The following PXDNL variants were observed in gnomAD, a reference collection of about 807,000 sequenced individuals.
PXDNL encodes peroxidasin like.
In PXDNL, 145 loss-of-function variants were observed where a neutral mutation model predicts 150.8. The ratio of observed to expected loss-of-function variants is 0.96; its 90% CI spans 0.84 to 1.10. The LOEUF is 1.10. Among genes scored for constraint, PXDNL ranks in the 50% least tolerant of loss-of-function variants. The pLI is 0.00. For missense variants in PXDNL, 2,087 were observed against 1,873.9 expected, an observed-to-expected ratio of 1.11 and a Z score of -2.10; for synonymous variants, 757 against 725.7, an observed-to-expected ratio of 1.04 and a Z score of -0.69.
At chr8:51,535,704 G>T (rs1229197145) in intron 4 of PXDNL, among the ~76,000 whole-genome samples, 1 of 136,196 alleles carries the variant, frequency 7.3e-6, no homozygotes, top group African/African-American at 3.3e-5. Flanking sequence ...AAACACCCAA[G>T]AATGATCAAT....
At chr8:51,680,999 G>A (rs553968438) in intron 1 of PXDNL, among the ~76,000 whole-genome samples, 8,585 of 145,366 alleles carry the variant, frequency 0.059, 353 homozygotes, top group African/African-American at 0.12. Flanking sequence ...TGTGGTTTTC[G>A]TCCAGACACA....
chr8:51,558,679 T>C (rs7834501), intron 3 of PXDNL, among the ~76,000 whole-genome samples: 10,024 of 152,138 alleles, frequency 0.066, 464 homozygotes, highest in African/African-American at 0.11. Flanking sequence ...GACTGTTATA[T>C]TGTAGAAAAT....
chr8:51,670,093 C>T (rs538448094), intron 1 of PXDNL, among the ~76,000 whole-genome samples: 1 of 152,176 alleles, frequency 6.6e-6, no homozygotes, highest in Non-Finnish European at 1.5e-5. Flanking sequence ...AAAAATATAG[C>T]CGGTTGTGGT....
chr8:51,326,469 G>A (rs553622161), intron 21 of PXDNL, among the ~76,000 whole-genome samples: 3 of 152,310 alleles, frequency 2.0e-5, no homozygotes, highest in South Asian at 2.1e-4. Context: ...CTGCATTCTA[G>A]CCTGGGTGAG....
intron 2 of PXDNL, among the ~76,000 whole-genome samples, chr8:51,602,924 A>G (rs1813757148): frequency 6.6e-6 from 1 of 151,296 alleles, no homozygotes; most frequent in African/African-American, 2.4e-5. Context: ...GGCTTTCCTG[A>G]ATCTAAGATT....
chr8:51,433,208 C>CT (rs1809299452), intron 12 of PXDNL, among the ~76,000 whole-genome samples: 10 of 111,144 alleles, frequency 9.0e-5, no homozygotes, highest in African/African-American at 1.9e-4. Context: ...GACTCTATCT[C>CT]AAATAATAAT....
intron 1 of PXDNL, among the ~76,000 whole-genome samples, chr8:51,659,990 A>C (rs1029158185): frequency 2.6e-5 from 4 of 151,788 alleles, no homozygotes; most frequent in Admixed American, 6.6e-5. Context: ...TCCGAGTTCA[A>C]GCGATTCTCC....
In PXDNL at chr8:51,768,207, T is replaced by A. The variant is rs533669809; in HGVS notation, c.164+40974A>T. Among the ~76,000 whole-genome samples, 3 of 152,312 alleles carry A rather than the reference T, an allele frequency of 2.0e-5. No individual in the cohort carries two copies. In the South Asian group the frequency reaches 6.2e-4, roughly 32 times the overall value. ...CCTTCAACTGTTGAAAACCTTTAGT[T>A]AATTTCCAGACTTATGATTATTTTT... is the stretch of plus-strand genomic sequence containing the variant. On this transcript the variant is annotated intron_variant, in intron 1 of 22. Coordinates refer to ENST00000356297, the MANE Select transcript of PXDNL (RefSeq NM_144651.5).
At chr8:51,683,178 T>TATATATATATATATAG (rs1815793933) in intron 1 of PXDNL, among the ~76,000 whole-genome samples, 1 of 122,176 alleles carries the variant, frequency 8.2e-6, no homozygotes, top group Non-Finnish European at 1.7e-5. Flanking sequence ...TATATATATA[T>TATATATATATATATAG]ATATATATAT....
intron 1 of PXDNL, among the ~76,000 whole-genome samples, chr8:51,685,500 C>G (rs1815853928): frequency 6.6e-6 from 1 of 152,226 alleles, no homozygotes; most frequent in Admixed American, 6.5e-5. Flanking sequence ...CTCTCCTAGT[C>G]TCACCGCTGC....
chr8:51,490,686 A>G (rs571958010), intron 5 of PXDNL, among the ~76,000 whole-genome samples: 1 of 149,470 alleles, frequency 6.7e-6, no homozygotes, highest in African/African-American at 2.4e-5. Flanking sequence ...ACATATATAC[A>G]CATACAAATA....
At chr8:51,360,200 C>A (rs1806676529) in intron 19 of PXDNL, among the ~76,000 whole-genome samples, 1 of 152,068 alleles carries the variant, frequency 6.6e-6, no homozygotes, top group Non-Finnish European at 1.5e-5. Context: ...CTTTTGTGTA[C>A]ACATATAAAC....
chr8:51,447,230 C>T (rs1408218092), intron 11 of PXDNL, 68 bp from the exon 12 acceptor site: 2 of 1,535,768 alleles, frequency 1.3e-6, no homozygotes, highest in African/African-American at 2.7e-5. Context: ...TGCTGGCTGT[C>T]CTGGCTAAAG....
chr8:51,780,502 A>C (rs1425072951), intron 1 of PXDNL, among the ~76,000 whole-genome samples: 1 of 150,600 alleles, frequency 6.6e-6, no homozygotes, highest in Non-Finnish European at 1.5e-5. Context: ...TTTAAAACTC[A>C]TGGATGGGGA....
At chr8:51,514,070 G>A (rs1269180187) in intron 4 of PXDNL, among the ~76,000 whole-genome samples, 2 of 152,218 alleles carry the variant, frequency 1.3e-5, no homozygotes, top group Admixed American at 6.5e-5. Flanking sequence ...ACCCCTTACA[G>A]TTATTGAAGA....
chr8:51,477,169 A>G (rs7838138), intron 6 of PXDNL, among the ~76,000 whole-genome samples: 1 of 152,060 alleles, frequency 6.6e-6, no homozygotes, highest in African/African-American at 2.4e-5. Context: ...AGTTTTGTAA[A>G]ATGTTTTGTA....
At position 51,616,432 on chromosome 8, in the gene PXDNL, G is replaced by T. The variant is rs780978150; in HGVS notation, c.237-23734C>A. Reference sequence around the variant, plus strand: ...TCTTTGGGCCAAAAACTAAACTGAAGAATGTATTTCTAGGGAAAAATACAC... The same window carrying T: ...TCTTTGGGCCAAAAACTAAACTGAATAATGTATTTCTAGGGAAAAATACAC... On this transcript the variant is annotated intron_variant, in intron 2 of 22. Coordinates refer to ENST00000356297, the MANE Select transcript of PXDNL (RefSeq NM_144651.5). Among the ~76,000 whole-genome samples the T allele has an allele frequency of 1.2e-4, 19 of 152,072 alleles. 2 individuals carry two copies. The highest frequency in any genetic ancestry group is 1.2e-3 in the Admixed American group (18 of 15,278).
chr8:51,757,475 G>A (rs754095606), intron 1 of PXDNL, among the ~76,000 whole-genome samples: 7 of 152,136 alleles, frequency 4.6e-5, no homozygotes, highest in East Asian at 1.9e-4. Context: ...AATTAGATGG[G>A]AACACTTTTG....
intron 17 of PXDNL, among the ~76,000 whole-genome samples, chr8:51,390,962 T>C (rs1191547947): frequency 1.3e-5 from 2 of 152,126 alleles, no homozygotes; most frequent in Non-Finnish European, 2.9e-5. Context: ...GTTCTCACTG[T>C]TCAATTCCCA....
Sources: gnomAD v4.1 joint callset for allele counts (sites outside exome capture counted in the v4.1 genomes callset) on GRCh38, gnomAD v4.1.1 for gene constraint, MANE v1.5 for transcripts, NCBI Gene and HGNC (gene_info 2026-07-23, HGNC 2026-07-21) for gene names.